Variants in PIWIL3 observed in about 807,000 individuals in gnomAD.
PIWIL3 encodes the protein piwi like RNA-mediated gene silencing 3.
In PIWIL3, 101 loss-of-function variants were observed where a neutral mutation model predicts 109.7. The observed-to-expected ratio is 0.92, with a 90% CI of 0.78 to 1.09. The LOEUF is 1.09. Ranked by LOEUF, PIWIL3 falls within the 50% of genes least tolerant of loss-of-function variation. The probability of loss-of-function intolerance (pLI) is 0.00; values close to 1 mark genes in which losing one functional copy is unlikely to be tolerated. For synonymous variants in PIWIL3, 373 were observed against 376.4 expected, an observed-to-expected ratio of 0.99 and a Z score of 0.10; for missense variants, 1,031 against 1,072.6, an observed-to-expected ratio of 0.96 and a Z score of 0.54.
chr22:24,752,962 T>C (rs1439365539), intron 8 of PIWIL3, among the ~76,000 whole-genome samples: 1 of 152,248 alleles, frequency 6.6e-6, no homozygotes, highest in African/African-American at 2.4e-5. Flanking sequence ...CATTTGTACA[T>C]TTTAAGAAAT....
At chr22:24,730,732 A>T (rs1923303087) in intron 14 of PIWIL3, among the ~76,000 whole-genome samples, 1 of 152,240 alleles carries the variant, frequency 6.6e-6, no homozygotes, top group South Asian at 2.1e-4. Flanking sequence ...AGATCGGATT[A>T]ATGCATAATT....
intron 12 of PIWIL3, among the ~76,000 whole-genome samples, chr22:24,740,596 G>C (rs1923950494): frequency 1.4e-5 from 2 of 147,674 alleles, no homozygotes; most frequent in Admixed American, 6.7e-5. Context: ...TGATACCACA[G>C]AAATACAATA....
intron 1 of PIWIL3, among the ~76,000 whole-genome samples, chr22:24,766,300 TTTTTGTTTTG>T (rs538454232): frequency 6.6e-6 from 1 of 151,426 alleles, no homozygotes; most frequent in African/African-American, 2.4e-5. Context: ...GTTTTTTGTT[TTTTTGTTTTG>T]TTTTGTTTTG....
intron 10 of PIWIL3, 48 bp from the exon 11 acceptor site, chr22:24,749,569 G>A: frequency 6.2e-7 from 1 of 1,611,442 alleles, no homozygotes. Context: ...GAATTTGAGT[G>A]AGGACTAAAT....
chr22:24,720,026 AT>A, intron 19 of PIWIL3, 131 bp from the exon 20 acceptor site: 1 of 781,132 alleles, frequency 1.3e-6, no homozygotes, highest in Non-Finnish European at 1.9e-6. Context: ...TTTCCTTTAC[AT>A]TTAGAAACCT....
At position 24,735,870 on chromosome 22, in the gene PIWIL3, T is replaced by C. The variant is rs146824791; in HGVS notation, c.1472A>G (p.Asp491Gly). 29 of 1,603,404 alleles carry C rather than the reference T, an allele frequency of 1.8e-5. No homozygotes were observed. The African/African-American group carries it at 3.5e-4, about 19-fold the overall frequency. ...TAATTCTCTTATTTCTCTTGACCAGTCTCCTTGTGAATTGGCTTTAACCTG... is the reference window on the plus strand; with the variant it reads ...TAATTCTCTTATTTCTCTTGACCAGCCTCCTTGTGAATTGGCTTTAACCTG... Reference protein sequence around the residue: ...RRMVKANSQGDWSREIRELPL... With the variant: ...RRMVKANSQGGWSREIRELPL... Residue 491 changes from aspartate to glycine, a missense_variant, in exon 13 of 21, where the codon GAC becomes GGC. Coordinates refer to ENST00000616349, the MANE Select transcript of PIWIL3 (RefSeq NM_001255975.1).
At chr22:24,735,037 G>GTAAAAAAA (rs759993197) in intron 13 of PIWIL3, among the ~76,000 whole-genome samples, 1 of 151,766 alleles carries the variant, frequency 6.6e-6, no homozygotes, top group Non-Finnish European at 1.5e-5. Flanking sequence ...CATGGAGACG[G>GTAAAAAAA]TAAAAAAATA....
At chr22:24,757,816 C>T (rs1389724158) in intron 4 of PIWIL3, 92 bp downstream of exon 4, 23 of 1,411,518 alleles carry the variant, frequency 1.6e-5, no homozygotes, top group East Asian at 1.4e-4. Context: ...CCAGCCTGGG[C>T]GACAGAGCAG....
At chr22:24,762,052 T>TA in intron 2 of PIWIL3, 1 of 971,988 alleles carries the variant, frequency 1.0e-6, no homozygotes, top group Non-Finnish European at 1.2e-6. Flanking sequence ...AACTCTTATC[T>TA]AACTCAGGCT....
At chr22:24,725,307 C>T (rs888924983) in intron 17 of PIWIL3, 138 bp downstream of exon 17, 2 of 1,071,146 alleles carry the variant, frequency 1.9e-6, no homozygotes, top group African/African-American at 3.2e-5. Flanking sequence ...GACTCAATGC[C>T]AGTAGCACCT....
chr22:24,725,440 C>G lies in PIWIL3; in HGVS notation c.2080+5G>C. On this transcript the variant is annotated splice_donor_5th_base_variant and intron_variant, in intron 17 of 20. Coordinates refer to ENST00000616349, the MANE Select transcript of PIWIL3 (RefSeq NM_001255975.1). ...CGGGTTCCCCGACCGCTACAAGACA[C>G]TGACCTTTCAAGCAGATCTCCAGCT... 6.2e-7 allele frequency: 1 copy of G among 1,613,656 alleles called. No homozygotes were observed. Among genetic ancestry groups the G allele is most frequent in the East Asian group, 2.2e-5 (1 of 44,888 alleles).
intron 14 of PIWIL3, among the ~76,000 whole-genome samples, chr22:24,728,630 AAAC>A (rs1430400814): frequency 4.6e-5 from 7 of 152,244 alleles, no homozygotes; most frequent in African/African-American, 1.4e-4. Context: ...TGTGTAGAAG[AAAC>A]AAATTATAAT....
At chr22:24,765,408 G>A (rs1318850679) in intron 1 of PIWIL3, among the ~76,000 whole-genome samples, 1 of 152,214 alleles carries the variant, frequency 6.6e-6, no homozygotes, top group Non-Finnish European at 1.5e-5. Context: ...ACTTGAAGCA[G>A]TCGTAGCTTT....
At chr22:24,733,030 A>G (rs150224522) in intron 14 of PIWIL3, among the ~76,000 whole-genome samples, 1 of 152,338 alleles carries the variant, frequency 6.6e-6, no homozygotes, top group East Asian at 1.9e-4. Flanking sequence ...AAGTAACAGG[A>G]AGCAACACAT....
At chr22:24,758,812 A>G (rs1274179235) in intron 3 of PIWIL3, among the ~76,000 whole-genome samples, 1 of 152,170 alleles carries the variant, frequency 6.6e-6, no homozygotes, top group Non-Finnish European at 1.5e-5. Context: ...TTCCTGACAC[A>G]TCCAGCAATC....
intron 2 of PIWIL3, among the ~76,000 whole-genome samples, chr22:24,760,584 TC>T (rs1169502635): frequency 6.6e-6 from 1 of 151,298 alleles, no homozygotes; most frequent in African/African-American, 2.4e-5. Flanking sequence ...GATCGGGAGT[TC>T]AAGACCAACA....
chr22:24,722,713 C>T (rs761710748), intron 19 of PIWIL3, among the ~76,000 whole-genome samples: 7 of 152,062 alleles, frequency 4.6e-5, no homozygotes, highest in Non-Finnish European at 1.0e-4. Context: ...AGCAAGACTC[C>T]ATCAAATAGA....
chr22:24,730,736 C>A (rs1160689738), intron 14 of PIWIL3, among the ~76,000 whole-genome samples: 3 of 152,104 alleles, frequency 2.0e-5, no homozygotes, highest in Non-Finnish European at 4.4e-5. Flanking sequence ...CGGATTAATG[C>A]ATAATTTTAA....
intron 13 of PIWIL3, 54 bp downstream of exon 13, chr22:24,735,654 T>C: frequency 3.4e-6 from 5 of 1,459,738 alleles, no homozygotes; most frequent in South Asian, 1.4e-5. Flanking sequence ...TTAGTTATTA[T>C]ACTTTAAGAT....
Sources: allele counts gnomAD v4.1 joint callset (sites outside exome capture counted in the v4.1 genomes callset), GRCh38; gene constraint gnomAD v4.1.1; transcripts MANE v1.5; gene names NCBI Gene and HGNC (gene_info 2026-07-23, HGNC 2026-07-21).